Variants in INTS2 observed in about 807,000 individuals in gnomAD.
INTS2 encodes the protein KIAA1287.
INTS2 carries 57 observed loss-of-function variants against 139.6 expected under a neutral mutation model. That is an observed-to-expected ratio of 0.41 (90% CI 0.33 to 0.51). The LOEUF is 0.51. Ranked by LOEUF, INTS2 falls within the 20% of genes least tolerant of loss-of-function variation. INTS2 has a pLI of 0.28. For missense variants in INTS2, 1,196 were observed against 1,436.7 expected (o/e 0.83, Z 2.71); for synonymous variants, 473 against 493.4 (o/e 0.96, Z 0.55).
At chr17:61,898,446 T>C (rs1245423850) in intron 9 of INTS2, among the ~76,000 whole-genome samples, 1 of 151,684 alleles carries the variant, frequency 6.6e-6, no homozygotes, top group African/African-American at 2.4e-5. Flanking sequence ...AGGCATGCGC[T>C]ACTGCATCCA....
At chr17:61,919,083 T>C (rs1356674034) in intron 5 of INTS2, among the ~76,000 whole-genome samples, 2 of 151,798 alleles carry the variant, frequency 1.3e-5, no homozygotes, top group Non-Finnish European at 2.9e-5. Flanking sequence ...CACCACCACA[T>C]CCAGCTAATT....
rs541776499 is a variant in INTS2, at chr17:61,876,762, A to G, written c.2456+1125T>C. Among the ~76,000 whole-genome samples the G allele has an allele frequency of 6.6e-6, 1 of 152,240 alleles. No homozygotes were observed. Among genetic ancestry groups the G allele is most frequent in the South Asian group, 2.1e-4 (1 of 4,814 alleles). On this transcript the variant is annotated intron_variant, in intron 18 of 24. Transcript: ENST00000251334. The surrounding 1 kb of genome is among the most constrained non-coding windows in gnomAD (Gnocchi z 4.1). ...CCAGCCAAAAAAATGTTAATGATAC[A>G]TTATCTGATGTGTTATGATTAAGTG...
At chr17:61,874,795 C>T in intron 19 of INTS2, 118 bp downstream of exon 19, 1 of 704,162 alleles carries the variant, frequency 1.4e-6, no homozygotes. Context: ...GCACAGGTCA[C>T]ACTGCCTACT....
In INTS2 at chr17:61,870,444, C is replaced by T. The variant is rs1018874832; in HGVS notation, c.2779-456G>A. ...TATCCTGATTTCCCTTTTTTTCAAC[C>T]TGTTTAAGGCTCTGGTTTCACAAGG... On this transcript the variant is annotated intron_variant, in intron 20 of 24. Coordinates refer to ENST00000251334, the MANE Select transcript of INTS2 (RefSeq NM_001351695.2). The surrounding 1 kb of genome is among the most constrained non-coding windows in gnomAD (Gnocchi z 4.4). Among the ~76,000 whole-genome samples the T allele has an allele frequency of 2.6e-5, 4 of 152,046 alleles. No homozygotes were observed. Among genetic ancestry groups the T allele is most frequent in the Admixed American group, 2.6e-4 (4 of 15,252 alleles).
intron 2 of INTS2, 56 bp downstream of exon 2, chr17:61,926,294 ATC>A: frequency 7.3e-7 from 1 of 1,372,384 alleles, no homozygotes; most frequent in Non-Finnish European, 1.0e-6. Flanking sequence ...TCTAAAAAAT[ATC>A]TGATTCCCTG....
rs2079496628 is a variant in INTS2 at position 61,909,137 on chromosome 17, G to A, written c.955-1503C>T. Among the ~76,000 whole-genome samples, 1 of 151,430 alleles carries A rather than the reference G, an allele frequency of 6.6e-6. No individual in the cohort carries two copies. Among genetic ancestry groups the A allele is most frequent in the African/African-American group, 2.4e-5 (1 of 41,166 alleles). On this transcript the variant is annotated intron_variant, in intron 7 of 24. Transcript: ENST00000251334. This position sits in a 1 kb window ranked among gnomAD's most constrained non-coding sequence, Gnocchi z 4.9. ...ATTATTTTTCTTTTTTTTTGAGACC[G>A]AGTCCTGCTCTGTCACCAGGCTGGA...
chr17:61,922,297 C>T (rs749518629), intron 3 of INTS2, among the ~76,000 whole-genome samples: 10 of 151,232 alleles, frequency 6.6e-5, no homozygotes, highest in Admixed American at 6.6e-4. Context: ...ATGGTGAAAC[C>T]CTGTCTCTAC....
intron 5 of INTS2, among the ~76,000 whole-genome samples, chr17:61,917,531 GAAAACC>G (rs527908859): frequency 1.2e-4 from 19 of 152,268 alleles, no homozygotes; most frequent in African/African-American, 4.1e-4. Context: ...CACAGAAACA[GAAAACC>G]AAATACCACA....
chr17:61,874,947 G>A lies in INTS2; in HGVS notation c.2548C>T (p.Leu850Phe), dbSNP rs1318702383. The stretch of plus-strand genomic sequence containing the variant: ...CTCTGATCACACCTTAGGACAATGA[G>A]AGGATCTATCATCAGGTCATTCTGA... ...YTQNDLMIDP[L>F]IVLRCDQRVH... Residue 850 changes from leucine to phenylalanine, a missense_variant, in exon 19 of 25, where the codon CTC becomes TTC. By Grantham distance (22) the Leu-to-Phe change is conservative. Transcript: ENST00000251334. The A allele has an allele frequency of 6.3e-7, 1 of 1,597,792 alleles. No homozygotes were observed. Among genetic ancestry groups the A allele is most frequent in the Non-Finnish European group, 8.5e-7 (1 of 1,170,994 alleles).
intron 8 of INTS2, 61 bp from the exon 9 acceptor site, chr17:61,904,646 A>AT: frequency 1.4e-6 from 2 of 1,399,668 alleles, no homozygotes; most frequent in Non-Finnish European, 1.9e-6. Context: ...GAAAAAGTGA[A>AT]TTTTTAACCT....
rs149492325 is a variant in INTS2, at chr17:61,888,566, T to TGCGTGCGTGC, written c.1984+1219_1984+1220insGCACGCACGC. ...CTCTGTGTGCGTGTGTGTGCGTGCG[T>TGCGTGCGTGC]GTGTGTGTGTGTGTGTGTGTGTGTG... On this transcript the variant is annotated intron_variant, in intron 15 of 24. Transcript: ENST00000251334. 2.4e-4 allele frequency among the ~76,000 whole-genome samples: 35 copies of TGCGTGCGTGC among 143,736 alleles called. 1 individual carries two copies. The highest frequency in any genetic ancestry group is 8.7e-4 in the African/African-American group (33 of 37,840). The allele number at this position is 143,736 out of a possible 152,430, so 94.3% of individuals were successfully genotyped here.
Position 61,897,763 on chromosome 17 carries a change from C to A in INTS2, c.1308-24G>T, listed in dbSNP as rs760247702. The A allele has an allele frequency of 6.7e-7, 1 of 1,496,424 alleles. No homozygotes were observed. 92.7% of individuals were successfully genotyped at this position (1,496,424 alleles called of 1,614,324 possible). The stretch of plus-strand genomic sequence containing the variant: ...TACTATATAAAATATACCAGAATGT[C>A]ACTGGTTTAAATTAGATATACTAGC... On this transcript the variant is annotated intron_variant, in intron 9 of 24. Coordinates refer to ENST00000251334, the MANE Select transcript of INTS2 (RefSeq NM_001351695.2). This position sits in a 1 kb window ranked among gnomAD's most constrained non-coding sequence, Gnocchi z 4.4.
At position 61,872,331 on chromosome 17, in the gene INTS2, T is replaced by A; in HGVS notation, c.2712A>T (p.Leu904Phe). Residue 904 changes from leucine to phenylalanine, a missense_variant, in exon 20 of 25, where the codon TTA (leucine) becomes TTT (phenylalanine). Leu to Phe is a conservative substitution (Grantham distance 22). This residue lies in a region of INTS2 where 1,129 missense variants were observed against 1,341.9 expected (regional missense o/e 0.84). Coordinates refer to ENST00000251334, the MANE Select transcript of INTS2 (RefSeq NM_001351695.2). The surrounding 1 kb of genome is among the most constrained non-coding windows in gnomAD (Gnocchi z 4.8). Reference protein sequence around the residue: ...DRPSQNNTIGLVGQTDAPEVT... With the variant: ...DRPSQNNTIGFVGQTDAPEVT... ...CTTCCGGAGCATCAGTTTGTCCAAC[T>A]AAACCAATTGTATTATTCTGGGAAG... The A allele has an allele frequency of 6.2e-7, 1 of 1,613,384 alleles. No homozygotes were observed. The highest frequency in any genetic ancestry group is 8.5e-7 in the Non-Finnish European group (1 of 1,179,482).
intron 7 of INTS2, among the ~76,000 whole-genome samples, chr17:61,908,950 G>A (rs899388763): frequency 6.6e-6 from 1 of 152,012 alleles, no homozygotes; most frequent in Non-Finnish European, 1.5e-5. Flanking sequence ...GAGTTAAATC[G>A]CAATCTGCAT....
intron 16 of INTS2, 45 bp from the exon 17 acceptor site, chr17:61,881,216 A>G (rs776004092): frequency 1.1e-5 from 16 of 1,477,588 alleles, no homozygotes; most frequent in Middle Eastern, 1.7e-4. Context: ...ATGCTCAAAC[A>G]CCAGAAGCTT....
intron 1 of INTS2, 97 bp from the exon 2 acceptor site, chr17:61,926,759 T>C: frequency 1.1e-6 from 1 of 915,786 alleles, no homozygotes; most frequent in South Asian, 1.4e-5. Context: ...GTATCTTTAA[T>C]AGGTCCCTAT....
chr17:61,883,895 G>A (rs780129042), intron 16 of INTS2, among the ~76,000 whole-genome samples: 3 of 151,666 alleles, frequency 2.0e-5, no homozygotes, highest in Admixed American at 6.6e-5. Context: ...TGTAGTCCCC[G>A]CTACTAGAGA....
chr17:61,902,599 T>A (rs2079417710), intron 9 of INTS2, among the ~76,000 whole-genome samples: 1 of 151,884 alleles, frequency 6.6e-6, no homozygotes, highest in African/African-American at 2.4e-5. Flanking sequence ...TAAGACCAGG[T>A]ACAGTGGCTC....
Position 61,876,971 on chromosome 17 carries a change from T to C in INTS2, c.2456+916A>G, listed in dbSNP as rs2079132180. Among the ~76,000 whole-genome samples, 1 of 152,190 alleles carries C rather than the reference T, an allele frequency of 6.6e-6. No homozygotes were observed. Among genetic ancestry groups the C allele is most frequent in the Admixed American group, 6.5e-5 (1 of 15,284 alleles). ...TTAAAGGATTATCACATAGCTCAAT[T>C]ATGAAACCACTTCTGTAGTCATAAT... is the stretch of plus-strand genomic sequence containing the variant. On this transcript the variant is annotated intron_variant, in intron 18 of 24. Coordinates refer to ENST00000251334, the MANE Select transcript of INTS2 (RefSeq NM_001351695.2). This position sits in a 1 kb window ranked among gnomAD's most constrained non-coding sequence, Gnocchi z 4.1.
Sources: gnomAD v4.1 joint callset for allele counts (sites outside exome capture counted in the v4.1 genomes callset) on GRCh38, gnomAD v4.1.1 for gene constraint, gnomAD v4.1.1 regional missense constraint, Gnocchi (gnomAD v3.1) non-coding constraint, MANE v1.5 for transcripts, NCBI Gene and HGNC (gene_info 2026-07-23, HGNC 2026-07-21) for gene names.